DGKB: variants seen among roughly 807,000 people sequenced by gnomAD.
DGKB encodes 90 kDa diacylglycerol kinase.
In DGKB, 67 loss-of-function variants were observed where a neutral mutation model predicts 114.3. The ratio of observed to expected loss-of-function variants is 0.59; its 90% confidence interval spans 0.48 to 0.72. The LOEUF (loss-of-function observed/expected upper bound fraction) is 0.72. DGKB is among the 30% of genes least tolerant of loss of function. The pLI, the probability that DGKB is intolerant of heterozygous loss-of-function variation, is 0.00. For synonymous variants in DGKB, 398 were observed against 323.1 expected (o/e 1.23, Z -2.49); for missense variants, 907 against 975.2 (o/e 0.93, Z 0.93).
chr7:14,253,644 A>G (rs1795559873), intron 23 of DGKB, among the ~76,000 whole-genome samples: 1 of 152,232 alleles, frequency 6.6e-6, no homozygotes, highest in Non-Finnish European at 1.5e-5. Flanking sequence ...GAATACTGCG[A>G]TGTAAATGAA....
At chr7:14,772,587 C>T (rs56321550) in intron 2 of DGKB, among the ~76,000 whole-genome samples, 19,906 of 152,122 alleles carry the variant, frequency 0.13, 1,780 homozygotes, top group African/African-American at 0.26. Context: ...GTTTAGATCA[C>T]ATAGATAAAA....
chr7:14,810,969 A>G (rs944217336), intron 2 of DGKB, among the ~76,000 whole-genome samples: 3 of 152,094 alleles, frequency 2.0e-5, no homozygotes, highest in African/African-American at 7.2e-5. Context: ...TTCAATTTGG[A>G]GTAGCCACCT....
chr7:14,384,563 T>G (rs1820020083), intron 21 of DGKB, among the ~76,000 whole-genome samples: 1 of 152,332 alleles, frequency 6.6e-6, no homozygotes, highest in Admixed American at 6.5e-5. Context: ...TCCCTCATAC[T>G]TAGAAGTTAG....
chr7:14,621,358 T>C lies in DGKB; in HGVS notation c.1284+20A>G. 2.0e-6 allele frequency: 3 copies of C among 1,507,056 alleles called. No individual in the cohort carries two copies. The highest frequency in any genetic ancestry group is 3.4e-5 in the Admixed American group (2 of 58,616). 93.4% of individuals were successfully genotyped at this position (1,507,056 alleles called of 1,614,324 possible). A position where few individuals can be genotyped will look rare whatever the true frequency, so the allele number is the denominator to read the frequency against. On this transcript the variant is annotated intron_variant, in intron 15 of 25. Coordinates refer to ENST00000402815, the MANE Select transcript of DGKB (RefSeq NM_001350709.2). ...TATCAAATATGAAACCTACTAAAAT[T>C]TTGATTTAAAAAATCATACCTGCAG...
Position 14,381,474 on chromosome 7 carries a change from T to C in DGKB, c.1836-36083A>G, listed in dbSNP as rs555281636. Among the ~76,000 whole-genome samples, 8 of 152,332 alleles carry C rather than the reference T, an allele frequency of 5.3e-5. No homozygotes were observed. In the East Asian group the frequency reaches 1.5e-3, roughly 29 times the overall value. ...TTCTTTGAGGTAGGAATAATGTGTG[T>C]ACATATTTTAGAGATGAGTAAATGA... is the stretch of plus-strand genomic sequence containing the variant. On this transcript the variant is annotated intron_variant, in intron 21 of 25. Coordinates refer to ENST00000402815, the MANE Select transcript of DGKB (RefSeq NM_001350709.2).
In DGKB at chr7:14,937,050, AC is replaced by A. The variant is rs1340147218; in HGVS notation, c.-188+37645del. On this transcript the variant is annotated intron_variant, in intron 1 of 4. Transcript: ENST00000437998. ...TACACACACACACACACACACACAC[AC>A]ACACACACACACACACACACACATC... 4.3e-4 allele frequency among the ~76,000 whole-genome samples: 64 copies of A among 148,548 alleles called. 1 individual carries two copies. The highest frequency in any genetic ancestry group is 1.5e-3 in the South Asian group (7 of 4,554).
intron 23 of DGKB, among the ~76,000 whole-genome samples, chr7:14,188,156 G>C (rs866542141): frequency 5.3e-5 from 8 of 152,126 alleles, no homozygotes; most frequent in African/African-American, 1.7e-4. Flanking sequence ...CCAGCCAGAG[G>C]AGGGGAAAAG....
intron 2 of DGKB, among the ~76,000 whole-genome samples, chr7:14,837,101 C>A (rs1847267350): frequency 6.6e-6 from 1 of 152,112 alleles, no homozygotes; most frequent in African/African-American, 2.4e-5. Flanking sequence ...ATACTTATAG[C>A]ACTGGACATA....
At chr7:14,883,460 T>C (rs72596000) in intron 1 of DGKB, among the ~76,000 whole-genome samples, 7,516 of 151,950 alleles carry the variant, frequency 0.049, 351 homozygotes, top group East Asian at 0.25. Flanking sequence ...ATCTAGAATA[T>C]ATTGAATGAA....
At chr7:14,910,910 G>A (rs1783969569) in intron 1 of DGKB, among the ~76,000 whole-genome samples, 1 of 151,784 alleles carries the variant, frequency 6.6e-6, no homozygotes, top group Non-Finnish European at 1.5e-5. Flanking sequence ...AATGACCTGG[G>A]GGTGATAATT....
At chr7:14,241,541 A>G (rs1172172503) in intron 23 of DGKB, among the ~76,000 whole-genome samples, 1 of 152,148 alleles carries the variant, frequency 6.6e-6, no homozygotes, top group East Asian at 1.9e-4. Flanking sequence ...GACTTTAAGT[A>G]GCTTATAAAT....
intron 2 of DGKB, among the ~76,000 whole-genome samples, chr7:14,826,607 A>C (rs1221241465): frequency 6.6e-6 from 1 of 152,144 alleles, no homozygotes; most frequent in Admixed American, 6.6e-5. Flanking sequence ...AAGAGCATGG[A>C]TTCTGGAAAC....
At position 14,580,970 on chromosome 7, in the gene DGKB, TACAAATAA is replaced by T. The variant is rs765743098; in HGVS notation, c.1520-27_1520-20del. 24 of 1,538,284 alleles carry T rather than the reference TACAAATAA, an allele frequency of 1.6e-5. No homozygotes were observed. The highest frequency in any genetic ancestry group is 2.0e-5 in the Non-Finnish European group (23 of 1,132,744). On this transcript the variant is annotated intron_variant, in intron 18 of 25. Coordinates refer to ENST00000402815, the MANE Select transcript of DGKB (RefSeq NM_001350709.2). ...GCCTTTTCTGCAGAATAAAAAAAAATACAAATAAAGAAAATTTTAAGTTCAGATAAAAC... is the reference window on the plus strand; with the variant it reads ...GCCTTTTCTGCAGAATAAAAAAAAATAGAAAATTTTAAGTTCAGATAAAAC...
chr7:14,783,815 G>A (rs1461371060), intron 2 of DGKB, among the ~76,000 whole-genome samples: 1 of 152,116 alleles, frequency 6.6e-6, no homozygotes, highest in Non-Finnish European at 1.5e-5. Context: ...CTTTCCTGAT[G>A]GCTTCTAAAG....
At chr7:14,974,146 C>T (rs1221544307) in intron 1 of DGKB, among the ~76,000 whole-genome samples, 1 of 151,904 alleles carries the variant, frequency 6.6e-6, no homozygotes, top group African/African-American at 2.4e-5. Context: ...TGACACTATA[C>T]TGTACAAACT....
intron 1 of DGKB, among the ~76,000 whole-genome samples, chr7:14,915,215 T>C (rs1784185128): frequency 6.6e-6 from 1 of 151,732 alleles, no homozygotes; most frequent in Non-Finnish European, 1.5e-5. Flanking sequence ...AAAAATAAAA[T>C]AAATAAAAAT....
intron 21 of DGKB, among the ~76,000 whole-genome samples, chr7:14,398,694 T>G (rs1023709293): frequency 4.6e-5 from 7 of 151,766 alleles, no homozygotes; most frequent in Non-Finnish European, 1.0e-4. Context: ...TAGAAGCTCA[T>G]CAAGGGGATG....
At chr7:14,695,673 T>G (rs12154366) in intron 8 of DGKB, among the ~76,000 whole-genome samples, 69,024 of 150,562 alleles carry the variant, frequency 0.46, 16,163 homozygotes, top group Middle Eastern at 0.56. Context: ...CTGATTTTTT[T>G]TGTGTGTGTA....
intron 14 of DGKB, among the ~76,000 whole-genome samples, chr7:14,626,375 C>T (rs771087889): frequency 1.8e-4 from 28 of 152,206 alleles, no homozygotes; most frequent in Non-Finnish European, 3.5e-4. Flanking sequence ...TCACTTGTAT[C>T]GTAGAACTTA....
Sources: gnomAD v4.1 joint callset for allele counts (sites outside exome capture counted in the v4.1 genomes callset) on GRCh38, gnomAD v4.1.1 for gene constraint, MANE v1.5 for transcripts, NCBI Gene and HGNC (gene_info 2026-07-23, HGNC 2026-07-21) for gene names.